FER: variants seen among roughly 807,000 people sequenced by gnomAD.
FER encodes the protein FER tyrosine kinase, also known as tyrosine-protein kinase Fer.
FER carries 63 observed loss-of-function variants against 111.0 expected under a neutral mutation model. The observed-to-expected ratio is 0.57, with a 90% CI of 0.46 to 0.70. FER has a LOEUF of 0.70. Ranked by LOEUF, FER falls within the 30% of genes least tolerant of loss-of-function variation. The pLI is 0.00. For synonymous variants in FER, 327 were observed against 313.9 expected, an observed-to-expected ratio of 1.04 and a Z score of -0.44; for missense variants, 914 against 954.0, an observed-to-expected ratio of 0.96 and a Z score of 0.55.
intron 14 of FER, among the ~76,000 whole-genome samples, chr5:109,042,245 C>G (rs1242674461): frequency 1.3e-5 from 2 of 152,100 alleles, no homozygotes; most frequent in African/African-American, 4.8e-5. Flanking sequence ...TCCTCAGGGA[C>G]TGAAGGGCAG....
intron 17 of FER, among the ~76,000 whole-genome samples, chr5:109,122,343 G>A (rs1271718450): frequency 6.6e-6 from 1 of 152,010 alleles, no homozygotes; most frequent in Non-Finnish European, 1.5e-5. Context: ...TCATTTGGGA[G>A]CATATTGTTT....
At chr5:109,135,941 T>G (rs1752849371) in intron 17 of FER, among the ~76,000 whole-genome samples, 1 of 151,972 alleles carries the variant, frequency 6.6e-6, no homozygotes, top group Non-Finnish European at 1.5e-5. Flanking sequence ...CCATCCCAGG[T>G]CTACCCATAA....
intron 14 of FER, among the ~76,000 whole-genome samples, chr5:109,044,477 G>A (rs1771656198): frequency 6.6e-6 from 1 of 152,114 alleles, no homozygotes; most frequent in South Asian, 2.1e-4. Context: ...CACCACGCCT[G>A]GCCAAATGAG....
chr5:109,149,897 G>A (rs968017076), intron 17 of FER, among the ~76,000 whole-genome samples: 24 of 152,120 alleles, frequency 1.6e-4, no homozygotes, highest in Non-Finnish European at 5.9e-5. Flanking sequence ...GGAAGTGAGC[G>A]GAAGGCCAGG....
intron 10 of FER, among the ~76,000 whole-genome samples, chr5:108,904,717 G>A (rs971050525): frequency 6.6e-6 from 1 of 152,024 alleles, no homozygotes; most frequent in Non-Finnish European, 1.5e-5. Flanking sequence ...TATATTTTAG[G>A]TTTTGTTCAG....
At chr5:108,994,297 G>A (rs1763714271) in intron 13 of FER, among the ~76,000 whole-genome samples, 1 of 152,176 alleles carries the variant, frequency 6.6e-6, no homozygotes, top group South Asian at 2.1e-4. Context: ...TAAGGTATAA[G>A]GAAGGGGTCC....
intron 16 of FER, among the ~76,000 whole-genome samples, chr5:109,100,105 T>G (rs904345062): frequency 1.4e-4 from 22 of 151,748 alleles, no homozygotes; most frequent in African/African-American, 5.3e-4. Context: ...GTAAAAACAG[T>G]GATAAAGGAA....
intron 2 of FER, among the ~76,000 whole-genome samples, chr5:108,779,010 C>CTTT (rs202242084): frequency 7.0e-6 from 1 of 143,378 alleles, no homozygotes; most frequent in African/African-American, 2.5e-5. Context: ...TGTCTAGGCT[C>CTTT]TTTTTTTTTT....
chr5:108,977,889 C>T (rs375226142), intron 13 of FER, among the ~76,000 whole-genome samples: 71 of 152,240 alleles, frequency 4.7e-4, no homozygotes, highest in African/African-American at 1.6e-3. Context: ...CTATGTCACC[C>T]AGCTGGAGTG....
chr5:108,900,114 T>A (rs1007922551), intron 10 of FER, among the ~76,000 whole-genome samples: 1 of 152,190 alleles, frequency 6.6e-6, no homozygotes, highest in South Asian at 2.1e-4. Context: ...TCATTAAGGA[T>A]TTTTTTGTAA....
At chr5:108,847,148 C>G (rs116749968) in intron 5 of FER, among the ~76,000 whole-genome samples, 2 of 148,976 alleles carry the variant, frequency 1.3e-5, no homozygotes, top group African/African-American at 4.9e-5. Flanking sequence ...TCTAAAGTTC[C>G]TTAAATACTT....
chr5:108,808,632 C>G (rs1757438971), intron 3 of FER, among the ~76,000 whole-genome samples: 1 of 151,754 alleles, frequency 6.6e-6, no homozygotes, highest in South Asian at 2.1e-4. Context: ...AGATTTTGAT[C>G]CTATTGTGAA....
intron 3 of FER, among the ~76,000 whole-genome samples, chr5:108,822,749 TTTTATTTTATTTTA>T (rs1561469993): frequency 1.4e-4 from 13 of 91,324 alleles, no homozygotes; most frequent in African/African-American, 4.7e-4. Context: ...TTTTATTTTA[TTTTATTTTATTTTA>T]TTTATTTTAT....
chr5:108,927,714 C>T (rs1356854661), intron 10 of FER, among the ~76,000 whole-genome samples: 4 of 152,186 alleles, frequency 2.6e-5, no homozygotes, highest in Non-Finnish European at 5.9e-5. Flanking sequence ...TTCATCAATG[C>T]ATGTGCTCTC....
At chr5:109,075,234 A>C (rs1200210081) in intron 16 of FER, among the ~76,000 whole-genome samples, 1 of 152,106 alleles carries the variant, frequency 6.6e-6, no homozygotes, top group Non-Finnish European at 1.5e-5. Flanking sequence ...AATTAATGTA[A>C]AAAAATGTAG....
chr5:109,177,858 C>T (rs1291228074), intron 17 of FER, among the ~76,000 whole-genome samples: 1 of 152,186 alleles, frequency 6.6e-6, no homozygotes, highest in Non-Finnish European at 1.5e-5. Flanking sequence ...TGAATGACAA[C>T]ACCAGCCTAT....
intron 17 of FER, among the ~76,000 whole-genome samples, chr5:109,164,054 C>T (rs1185838634): frequency 6.6e-6 from 1 of 152,124 alleles, no homozygotes; most frequent in Non-Finnish European, 1.5e-5. Flanking sequence ...AAACCTAAAC[C>T]AGTTAACATT....
chr5:109,060,975 C>T (rs1014689284), intron 16 of FER, among the ~76,000 whole-genome samples: 1 of 152,086 alleles, frequency 6.6e-6, no homozygotes, highest in African/African-American at 2.4e-5. Context: ...ACTGAACCTG[C>T]TCCTGCCCCT....
At chr5:109,144,849 C>A (rs909077206) in intron 17 of FER, among the ~76,000 whole-genome samples, 3 of 151,944 alleles carry the variant, frequency 2.0e-5, no homozygotes, top group African/African-American at 7.2e-5. Flanking sequence ...ATTCTAATTC[C>A]AAATCAAGTA....
Sources: allele counts gnomAD v4.1 joint callset (sites outside exome capture counted in the v4.1 genomes callset), GRCh38; gene constraint gnomAD v4.1.1; transcripts MANE v1.5; gene names NCBI Gene and HGNC (gene_info 2026-07-23, HGNC 2026-07-21).